Variants in MACROD2 observed in about 807,000 individuals in gnomAD.
MACROD2 encodes the protein ADP-ribose glycohydrolase MACROD2.
A neutral mutation model predicts 70.4 loss-of-function variants in MACROD2; 36 were observed. The ratio of observed to expected loss-of-function variants is 0.51; its 90% CI spans 0.39 to 0.68. MACROD2 has a LOEUF of 0.68. MACROD2 is among the 30% of genes least tolerant of loss of function. The pLI is 0.00. For synonymous variants in MACROD2, 172 were observed against 178.8 expected (o/e 0.96, Z 0.30); for missense variants, 496 against 538.4 (o/e 0.92, Z 0.78).
intron 10 of MACROD2, among the ~76,000 whole-genome samples, chr20:15,895,342 G>T (rs895915546): frequency 6.6e-6 from 1 of 152,218 alleles, no homozygotes; most frequent in Non-Finnish European, 1.5e-5. Context: ...TGCTAGCAGG[G>T]ACATTCTGTC....
intron 8 of MACROD2, among the ~76,000 whole-genome samples, chr20:15,722,590 T>C (rs928631529): frequency 6.6e-6 from 1 of 152,224 alleles, no homozygotes; most frequent in Non-Finnish European, 1.5e-5. Flanking sequence ...TCATATTTAT[T>C]TGTAGTAGCT....
chr20:14,277,930 T>TA (rs1398580455), intron 3 of MACROD2, among the ~76,000 whole-genome samples: 1 of 152,208 alleles, frequency 6.6e-6, no homozygotes, highest in African/African-American at 2.4e-5. Context: ...TTAGATTTAT[T>TA]AAAAAAGCAT....
intron 3 of MACROD2, among the ~76,000 whole-genome samples, chr20:14,361,034 T>C (rs6074722): frequency 0.57 from 86,524 of 151,988 alleles, 27,264 homozygotes; most frequent in Non-Finnish European, 0.71. Flanking sequence ...TGAAGAGAGT[T>C]TGGAAGTCGA....
At chr20:14,700,628 A>G (rs2071186091) in intron 5 of MACROD2, among the ~76,000 whole-genome samples, 1 of 151,922 alleles carries the variant, frequency 6.6e-6, no homozygotes, top group African/African-American at 2.4e-5. Flanking sequence ...TGATGAGTGC[A>G]TTTATTTTAT....
At chr20:15,588,148 C>G (rs776117513) in intron 8 of MACROD2, among the ~76,000 whole-genome samples, 1 of 152,306 alleles carries the variant, frequency 6.6e-6, no homozygotes. Context: ...TCTGTGCACC[C>G]GCAGGCTTAA....
chr20:14,922,370 A>C (rs1308120999), intron 5 of MACROD2, among the ~76,000 whole-genome samples: 1 of 152,118 alleles, frequency 6.6e-6, no homozygotes, highest in Non-Finnish European at 1.5e-5. Context: ...ATGGCTTCTT[A>C]ACCACCCCTA....
chr20:15,010,992 C>T (rs1329295890), intron 5 of MACROD2, among the ~76,000 whole-genome samples: 1 of 152,180 alleles, frequency 6.6e-6, no homozygotes, highest in Non-Finnish European at 1.5e-5. Flanking sequence ...CTGAGGACTG[C>T]AACTACCAAA....
chr20:14,834,231 C>A (rs1392603749), intron 5 of MACROD2, among the ~76,000 whole-genome samples: 2 of 149,224 alleles, frequency 1.3e-5, no homozygotes, highest in Admixed American at 1.3e-4. Flanking sequence ...CAATTTGTGA[C>A]CTTTACCCTT....
intron 4 of MACROD2, among the ~76,000 whole-genome samples, chr20:14,530,522 G>A (rs1544044): frequency 0.48 from 72,470 of 151,988 alleles, 17,568 homozygotes; most frequent in African/African-American, 0.54. Context: ...TTACATTCAT[G>A]TTATATTCTG....
chr20:14,467,674 C>T (rs1333142083), intron 3 of MACROD2, among the ~76,000 whole-genome samples: 1 of 151,928 alleles, frequency 6.6e-6, no homozygotes, highest in Non-Finnish European at 1.5e-5. Flanking sequence ...TGGCTCCACC[C>T]CTTCTCTAGT....
At chr20:15,872,733 GAAGT>G (rs2064603548) in intron 9 of MACROD2, among the ~76,000 whole-genome samples, 1 of 152,012 alleles carries the variant, frequency 6.6e-6, no homozygotes. Context: ...TCTTATCACA[GAAGT>G]AAGATAGGTT....
intron 8 of MACROD2, among the ~76,000 whole-genome samples, chr20:15,779,172 T>A (rs1176637072): frequency 1.3e-5 from 2 of 152,170 alleles, no homozygotes; most frequent in Non-Finnish European, 2.9e-5. Context: ...ACACTTGGAA[T>A]TAATGCCTCT....
At chr20:15,399,249 A>G (rs976428105) in intron 6 of MACROD2, among the ~76,000 whole-genome samples, 1 of 152,146 alleles carries the variant, frequency 6.6e-6, no homozygotes, top group Non-Finnish European at 1.5e-5. Context: ...TCTACACCCC[A>G]ATTCAGAGGT....
intron 5 of MACROD2, among the ~76,000 whole-genome samples, chr20:14,977,977 C>T (rs1355224457): frequency 1.3e-5 from 2 of 152,064 alleles, no homozygotes; most frequent in African/African-American, 4.8e-5. Flanking sequence ...TTTCAAAACT[C>T]ATTTCTGCCT....
chr20:14,601,662 G>A (rs1461054661), intron 4 of MACROD2, among the ~76,000 whole-genome samples: 1 of 151,828 alleles, frequency 6.6e-6, no homozygotes, highest in East Asian at 1.9e-4. Context: ...CTTTTTTAAT[G>A]GAGGAAGGGG....
At chr20:16,044,035 C>T (rs765236541) in intron 16 of MACROD2, among the ~76,000 whole-genome samples, 9 of 152,108 alleles carry the variant, frequency 5.9e-5, no homozygotes, top group South Asian at 2.1e-4. Flanking sequence ...AAGAAATACC[C>T]AAGACTGGAT....
intron 2 of MACROD2, among the ~76,000 whole-genome samples, chr20:14,010,060 T>C (rs1006432477): frequency 2.6e-5 from 4 of 152,220 alleles, no homozygotes; most frequent in Non-Finnish European, 5.9e-5. Flanking sequence ...TCTGTGTAGC[T>C]GGCCACTACG....
At chr20:15,698,019 C>T (rs2050401043) in intron 8 of MACROD2, among the ~76,000 whole-genome samples, 1 of 152,160 alleles carries the variant, frequency 6.6e-6, no homozygotes, top group Non-Finnish European at 1.5e-5. Flanking sequence ...CTGCAGTTCT[C>T]TGTCTTTCAA....
chr20:14,295,961 T>G (rs1333615794), intron 3 of MACROD2, among the ~76,000 whole-genome samples: 4 of 151,932 alleles, frequency 2.6e-5, no homozygotes, highest in African/African-American at 9.7e-5. Context: ...TGTCAATTAC[T>G]CAGGCTGATT....
Sources: allele counts gnomAD v4.1 joint callset (sites outside exome capture counted in the v4.1 genomes callset), GRCh38; gene constraint gnomAD v4.1.1; transcripts MANE v1.5; gene names NCBI Gene and HGNC (gene_info 2026-07-23, HGNC 2026-07-21).